Variants in PTCH1 observed in about 807,000 individuals in gnomAD.
PTCH1 encodes patched 1.
In PTCH1, 14 loss-of-function variants were observed where a neutral mutation model predicts 144.6. The observed-to-expected ratio is 0.10, with a 90% CI of 0.06 to 0.15. The LOEUF is 0.15. Among genes scored for constraint, PTCH1 ranks in the 10% least tolerant of loss-of-function variants. PTCH1 has a pLI of 1.00. For synonymous variants in PTCH1, 833 were observed against 793.6 expected, an observed-to-expected ratio of 1.05 and a Z score of -0.83; for missense variants, 1,623 against 1,948.3, an observed-to-expected ratio of 0.83 and a Z score of 3.14.
In PTCH1 at chr9:95,458,494, T is replaced by C. The variant is rs1315704097; in HGVS notation, c.2888-201A>G. Reference sequence around the variant, plus strand: ...AAAATGTTTAACTCTGTGATGTGTGTATTTTTTAAGATTTGATTTTAATCT... The same window carrying C: ...AAAATGTTTAACTCTGTGATGTGTGCATTTTTTAAGATTTGATTTTAATCT... On this transcript the variant is annotated intron_variant, in intron 17 of 23. Coordinates refer to ENST00000331920, the MANE Select transcript of PTCH1 (RefSeq NM_000264.5). This position sits in a 1 kb window ranked among gnomAD's most constrained non-coding sequence, Gnocchi z 4.7. Among the ~76,000 whole-genome samples the C allele has an allele frequency of 1.3e-5, 2 of 152,250 alleles. No homozygotes were observed. The highest frequency in any genetic ancestry group is 2.4e-5 in the African/African-American group (1 of 41,478).
At chr9:95,477,268 CA>C (rs747537428) in intron 10 of PTCH1, among the ~76,000 whole-genome samples, 10 of 152,300 alleles carry the variant, frequency 6.6e-5, no homozygotes, top group Non-Finnish European at 1.2e-4. Flanking sequence ...TGCAAATGCC[CA>C]CCAGAGCTGA....
Position 95,445,361 on chromosome 9 carries a change from T to C in PTCH1, c.*1032A>G, listed in dbSNP as rs987421488. ...GAGGGGCACCATGCTGCATGCTTTT[T>C]AGAGTATACAGACTCTCATGGCCCA... On this transcript the variant is annotated 3_prime_UTR_variant, in exon 24 of 24. Transcript: ENST00000331920. 1.1e-4 allele frequency: 17 copies of C among 152,198 alleles called. No individual in the cohort carries two copies. Among genetic ancestry groups the C allele is most frequent in the African/African-American group, 4.1e-4 (17 of 41,442 alleles). 9.4% of individuals were successfully genotyped at this position (152,198 alleles called of 1,614,324 possible). A position where few individuals can be genotyped will look rare whatever the true frequency, so the allele number is the denominator to read the frequency against.
intron 20 of PTCH1, 173 bp from the exon 21 acceptor site, chr9:95,450,113 T>C: frequency 1.5e-6 from 1 of 683,178 alleles, no homozygotes. Context: ...TTTTGCTTTT[T>C]GTTTCTTTAC....
upstream of PTCH1, among the ~76,000 whole-genome samples, chr9:95,509,668 T>C (rs1486934074): frequency 1.3e-5 from 2 of 152,226 alleles, no homozygotes; most frequent in African/African-American, 4.8e-5. Flanking sequence ...TGTAATATTT[T>C]TTTAAGCGCT....
rs749398144 is a variant in PTCH1, at chr9:95,478,226, A to G, written c.1216-40T>C. ...GAATGCGAAATGCCCAAATGCAATG[A>G]ACACTTCCACAAGCCTCGACAGCAC... On this transcript the variant is annotated intron_variant, in intron 8 of 23. Transcript: ENST00000331920. 1.9e-6 allele frequency: 3 copies of G among 1,613,824 alleles called. No homozygotes were observed. In the Admixed American group the frequency reaches 5.0e-5, roughly 27 times the overall value.
rs1841237146 is a variant in PTCH1 at position 95,478,202 on chromosome 9, A to G, written c.1216-16T>C. 2.5e-6 allele frequency: 4 copies of G among 1,614,178 alleles called. No individual in the cohort carries two copies. Among genetic ancestry groups the G allele is most frequent in the Non-Finnish European group, 3.4e-6 (4 of 1,180,030 alleles). ...GATGAACCACCTGTGGTCACAACAG[A>G]ATGCGAAATGCCCAAATGCAATGAA... On this transcript the variant is annotated splice_polypyrimidine_tract_variant and intron_variant, in intron 8 of 23. Transcript: ENST00000331920.
chr9:95,448,484 C>G (rs1838156478), intron 22 of PTCH1, among the ~76,000 whole-genome samples: 1 of 152,126 alleles, frequency 6.6e-6, no homozygotes, highest in African/African-American at 2.4e-5. Flanking sequence ...CTGGTGACCT[C>G]CTGAATCACT....
chr9:95,488,427 TA>T (rs1842141606), intron 2 of PTCH1, among the ~76,000 whole-genome samples: 1 of 152,224 alleles, frequency 6.6e-6, no homozygotes, highest in Non-Finnish European at 1.5e-5. Context: ...CTATGCCATA[TA>T]TACTATTAAA....
intron 12 of PTCH1, 106 bp from the exon 13 acceptor site, chr9:95,470,037 C>T: frequency 1.1e-6 from 1 of 879,144 alleles, no homozygotes. Context: ...TTTCCCTTTC[C>T]TCTTGAAGCA....
In PTCH1 at chr9:95,488,338, T is replaced by C. The variant is rs1406155737; in HGVS notation, c.395-2464A>G. ...GAACACAAATATTTTGCCAATGTGA[T>C]GTTTCAACTAAGACTATCATGATAG... is the stretch of plus-strand genomic sequence containing the variant. On this transcript the variant is annotated intron_variant, in intron 2 of 23. Transcript: ENST00000331920. Among the ~76,000 whole-genome samples the C allele has an allele frequency of 2.0e-5, 3 of 152,330 alleles. No homozygotes were observed. In the East Asian group the frequency reaches 5.8e-4, roughly 29 times the overall value.
Position 95,479,010 on chromosome 9 carries a change from G to A in PTCH1, c.1205C>T (p.Thr402Ile), listed in dbSNP as rs1841315975. 1 of 1,614,200 alleles carries A rather than the reference G, an allele frequency of 6.2e-7. No homozygotes were observed. The highest frequency in any genetic ancestry group is 1.3e-5 in the African/African-American group (1 of 75,030). ...CGAAGGTGGGTTTACCTCCACATAT[G>A]TCCTCTGCCAGGCCTCCAGGATGGC... ...AAAILEAWQR[T>I]YVEVVHQSVA... Residue 402 changes from threonine to isoleucine, a missense_variant, in exon 8 of 24, where the codon ACA becomes ATA. Thr to Ile is a moderately conservative substitution (Grantham distance 89). Coordinates refer to ENST00000331920, the MANE Select transcript of PTCH1 (RefSeq NM_000264.5).
chr9:95,469,235 G>A (rs754995882), intron 13 of PTCH1, 82 bp from the exon 14 acceptor site: 5 of 1,554,358 alleles, frequency 3.2e-6, no homozygotes, highest in Admixed American at 3.4e-5. Flanking sequence ...CACTGTGTAC[G>A]GAGAATACCC....
At position 95,492,316 on chromosome 9, in the gene PTCH1, G is replaced by GT. The variant is rs202009930; in HGVS notation, c.395-6443dup. On this transcript the variant is annotated intron_variant, in intron 2 of 23. Transcript: ENST00000331920. ...TTCACTGCATTAATGGAATGTCGTG[G>GT]TTTTTTTACTGGTAAGTACGTAGGT... 9.6e-3 allele frequency among the ~76,000 whole-genome samples: 1,461 copies of GT among 152,156 alleles called. 15 individuals carry two copies. The highest frequency in any genetic ancestry group is 0.028 in the African/African-American group (1,167 of 41,490).
chr9:95,454,989 T>A (rs1031525423), intron 19 of PTCH1, among the ~76,000 whole-genome samples: 1 of 152,236 alleles, frequency 6.6e-6, no homozygotes, highest in African/African-American at 2.4e-5. Flanking sequence ...ACTTATGGAT[T>A]CTTAACTCAC....
chr9:95,460,689 T>C (rs1447756222), intron 16 of PTCH1, among the ~76,000 whole-genome samples: 1 of 152,040 alleles, frequency 6.6e-6, no homozygotes, highest in African/African-American at 2.4e-5. Context: ...CCTCAACACA[T>C]CCCTGGAATC....
At position 95,458,311 on chromosome 9, in the gene PTCH1, C is replaced by T. The variant is rs764766440; in HGVS notation, c.2888-18G>A. 2.5e-6 allele frequency: 4 copies of T among 1,612,396 alleles called. No homozygotes were observed. The highest frequency in any genetic ancestry group is 2.7e-5 in the African/African-American group (2 of 74,818). On this transcript the variant is annotated intron_variant, in intron 17 of 23. Coordinates refer to ENST00000331920, the MANE Select transcript of PTCH1 (RefSeq NM_000264.5). The surrounding 1 kb of genome is among the most constrained non-coding windows in gnomAD (Gnocchi z 4.7). ...TGCCGGGACTGGACAGAGAAGGGCA[C>T]AGGTTAGGAGCAGCCCAGGGTAGAA...
At chr9:95,454,405 G>A (rs1469692610) in intron 19 of PTCH1, among the ~76,000 whole-genome samples, 1 of 152,172 alleles carries the variant, frequency 6.6e-6, no homozygotes, top group African/African-American at 2.4e-5. Context: ...GGCAGGATGC[G>A]TTTCTATCCC....
At chr9:95,460,553 G>A (rs1839369566) in intron 16 of PTCH1, among the ~76,000 whole-genome samples, 1 of 152,252 alleles carries the variant, frequency 6.6e-6, no homozygotes, top group East Asian at 1.9e-4. Context: ...TAAACAAAAT[G>A]AAAAACACCA....
At chr9:95,489,703 G>T (rs957909329) in intron 2 of PTCH1, among the ~76,000 whole-genome samples, 1 of 151,916 alleles carries the variant, frequency 6.6e-6, no homozygotes, top group Non-Finnish European at 1.5e-5. Context: ...GTGAAATAGT[G>T]CAGAAGAAAA....
Sources: gnomAD v4.1 joint callset for allele counts (sites outside exome capture counted in the v4.1 genomes callset) on GRCh38, gnomAD v4.1.1 for gene constraint, Gnocchi (gnomAD v3.1) non-coding constraint, MANE v1.5 for transcripts, NCBI Gene and HGNC (gene_info 2026-07-23, HGNC 2026-07-21) for gene names.